Variants in GAS2L3 observed in about 807,000 individuals in gnomAD.
GAS2L3 encodes the protein GAS2-like protein 3.
Under a neutral mutation model 37.0 loss-of-function variants are expected in GAS2L3, and 28 were observed. That is an observed-to-expected ratio of 0.76 (90% CI 0.56 to 1.04). The LOEUF (loss-of-function observed/expected upper bound fraction) is 1.04, where lower values mean the gene tolerates loss of function less well. Ranked by LOEUF, GAS2L3 falls within the 50% of genes least tolerant of loss-of-function variation. The probability of loss-of-function intolerance (pLI) is 0.00; values close to 1 mark genes in which losing one functional copy is unlikely to be tolerated. For missense variants in GAS2L3, 793 were observed against 817.6 expected, an observed-to-expected ratio of 0.97 and a Z score of 0.37; for synonymous variants, 290 against 296.6, an observed-to-expected ratio of 0.98 and a Z score of 0.23.
chr12:100,584,457 T>C (rs1955752736), intron 1 of GAS2L3, among the ~76,000 whole-genome samples: 1 of 152,228 alleles, frequency 6.6e-6, no homozygotes, highest in South Asian at 2.1e-4. Flanking sequence ...TCAGATGATG[T>C]CATTCTTTCC....
intron 1 of GAS2L3, among the ~76,000 whole-genome samples, chr12:100,586,755 CA>C (rs1264821568): frequency 6.6e-6 from 1 of 151,444 alleles, no homozygotes; most frequent in Non-Finnish European, 1.5e-5. Flanking sequence ...GAAATTGAAA[CA>C]AAAAAATACA....
chr12:100,612,856 A>G (rs1419808017), intron 6 of GAS2L3, among the ~76,000 whole-genome samples: 1 of 152,084 alleles, frequency 6.6e-6, no homozygotes, highest in Non-Finnish European at 1.5e-5. Context: ...TTTATCACTG[A>G]CATAGTTTAG....
intron 4 of GAS2L3, among the ~76,000 whole-genome samples, chr12:100,601,031 T>C (rs1035004474): frequency 6.6e-6 from 1 of 152,130 alleles, no homozygotes; most frequent in Non-Finnish European, 1.5e-5. Context: ...TATTTTTTAC[T>C]CTATTAGAGA....
chr12:100,613,489 G>T (rs958682564), intron 6 of GAS2L3, among the ~76,000 whole-genome samples: 9 of 152,076 alleles, frequency 5.9e-5, no homozygotes, highest in Admixed American at 5.9e-4. Flanking sequence ...CTGTTGGTAT[G>T]AATTTTAAAC....
In GAS2L3 at chr12:100,606,166, G is replaced by A. The variant is rs958602027; in HGVS notation, c.303+4413G>A. Among the ~76,000 whole-genome samples the A allele has an allele frequency of 8.6e-5, 13 of 151,894 alleles. No individual in the cohort carries two copies. In the East Asian group the frequency reaches 1.2e-3, roughly 14 times the overall value. On this transcript the variant is annotated intron_variant, in intron 5 of 9. Transcript: ENST00000547754. Reference sequence around the variant, plus strand: ...TAATATTTGCTTTATTTATCTGAGCGCTCTAGCATTGGGTGCATATATATT... The same window carrying A: ...TAATATTTGCTTTATTTATCTGAGCACTCTAGCATTGGGTGCATATATATT...
chr12:100,602,277 T>A (rs1444620446), intron 5 of GAS2L3, among the ~76,000 whole-genome samples: 1 of 152,080 alleles, frequency 6.6e-6, no homozygotes, highest in Admixed American at 6.6e-5. Flanking sequence ...AAATAATACA[T>A]TTTTTAGACA....
chr12:100,578,725 A>T, intron 1 of GAS2L3: 1 of 480,546 alleles, frequency 2.1e-6, no homozygotes, highest in Non-Finnish European at 3.8e-6. Flanking sequence ...CTAAGAACTG[A>T]TGCCTAAACC....
chr12:100,594,960 G>T, intron 3 of GAS2L3, 38 bp downstream of exon 3: 1 of 969,168 alleles, frequency 1.0e-6, no homozygotes, highest in South Asian at 1.8e-5. Context: ...TAAATTATGA[G>T]ATTAATATAA....
chr12:100,608,666 C>T (rs1392979935), intron 5 of GAS2L3, among the ~76,000 whole-genome samples: 2 of 152,132 alleles, frequency 1.3e-5, no homozygotes, highest in African/African-American at 2.4e-5. Context: ...GGACTACAGG[C>T]GCCTGGCACC....
chr12:100,587,121 G>A (rs1213335084), intron 1 of GAS2L3, among the ~76,000 whole-genome samples: 1 of 152,126 alleles, frequency 6.6e-6, no homozygotes. Context: ...GGACAAGATA[G>A]ATTCACAACA....
rs141753367 is a variant in GAS2L3 at position 100,619,956 on chromosome 12, A to G, written c.648+1369A>G. On this transcript the variant is annotated intron_variant, in intron 8 of 9. Coordinates refer to ENST00000547754, the MANE Select transcript of GAS2L3 (RefSeq NM_174942.3). ...GCTATGAAATACCATTTGCCCCACTAGCAAGATTTTTTAAAACTATTAAAC... is the reference window on the plus strand; with the variant it reads ...GCTATGAAATACCATTTGCCCCACTGGCAAGATTTTTTAAAACTATTAAAC... 3.6e-3 allele frequency among the ~76,000 whole-genome samples: 542 copies of G among 152,170 alleles called. 1 individual carries two copies. The highest frequency in any genetic ancestry group is 0.012 in the African/African-American group (502 of 41,578).
At chr12:100,580,939 A>C (rs1448740540) in intron 1 of GAS2L3, among the ~76,000 whole-genome samples, 1 of 152,212 alleles carries the variant, frequency 6.6e-6, no homozygotes, top group African/African-American at 2.4e-5. Flanking sequence ...CCAGGAAAAA[A>C]ATCACCGACA....
chr12:100,621,473 G>A (rs1015891825), intron 8 of GAS2L3, among the ~76,000 whole-genome samples: 6 of 151,828 alleles, frequency 4.0e-5, no homozygotes, highest in Admixed American at 6.6e-5. Flanking sequence ...TTCTTAACTG[G>A]TTGAAGTAGG....
intron 1 of GAS2L3, among the ~76,000 whole-genome samples, chr12:100,584,167 T>G (rs1157546779): frequency 6.6e-6 from 1 of 152,090 alleles, no homozygotes; most frequent in Non-Finnish European, 1.5e-5. Flanking sequence ...AAGCAGTGTA[T>G]AGGAATAGCT....
intron 5 of GAS2L3, among the ~76,000 whole-genome samples, chr12:100,610,539 T>A (rs1956114360): frequency 1.3e-5 from 2 of 151,812 alleles, no homozygotes; most frequent in African/African-American, 4.8e-5. Context: ...TTGCAATGAT[T>A]GTCTATTCTG....
chr12:100,605,538 T>C (rs1956045757), intron 5 of GAS2L3, among the ~76,000 whole-genome samples: 1 of 151,916 alleles, frequency 6.6e-6, no homozygotes, highest in African/African-American at 2.4e-5. Context: ...TAATTTCGAG[T>C]TGATTTGCAC....
chr12:100,600,434 G>T lies in GAS2L3; in HGVS notation c.71G>T (p.Arg24Ile). The T allele has an allele frequency of 1.2e-6, 2 of 1,612,536 alleles. 1 individual carries two copies. Residue 24 changes from arginine to isoleucine, a missense_variant, in exon 4 of 10, where the codon AGA becomes ATA. By Grantham distance (97) the Arg-to-Ile change is moderately conservative. Coordinates refer to ENST00000547754, the MANE Select transcript of GAS2L3 (RefSeq NM_174942.3). ...PLSPRSPLTP[R>I]HGPGLANVCQ... ...AGTCCTCGGAGTCCTCTGACTCCCA[G>T]ACACGGACCAGGATTGGCTAATGTT... is the stretch of plus-strand genomic sequence containing the variant.
Position 100,624,561 on chromosome 12 carries a change from G to C in GAS2L3, c.1756G>C (p.Ala586Pro). Residue 586 changes from alanine (A) to proline (P), a missense_variant, in exon 10 of 10, where the codon GCT becomes CCT. Ala to Pro is a conservative substitution (Grantham distance 27, BLOSUM62 -1). Coordinates refer to ENST00000547754, the MANE Select transcript of GAS2L3 (RefSeq NM_174942.3). Reference protein sequence around the residue: ...QKSKDKNIVSATKKQPQNKSA... With the variant: ...QKSKDKNIVSPTKKQPQNKSA... ...ATCAAAAGATAAGAATATAGTTTCA[G>C]CTACCAAAAAGCAGCCTCAGAATAA... 1 of 1,613,982 alleles carries C rather than the reference G, an allele frequency of 6.2e-7. No individual in the cohort carries two copies. The highest frequency in any genetic ancestry group is 8.5e-7 in the Non-Finnish European group (1 of 1,180,000).
rs183408160 is a variant in GAS2L3 at position 100,626,671 on chromosome 12, T to C, written c.*1781T>C. On this transcript the variant is annotated 3_prime_UTR_variant, in exon 10 of 10. Transcript: ENST00000547754. ...AGAAAGCAAAAAGTAAATGGAATTGTAGGCAATTTATGAATCCTAGTAGAT... is the reference window on the plus strand; with the variant it reads ...AGAAAGCAAAAAGTAAATGGAATTGCAGGCAATTTATGAATCCTAGTAGAT... 1 of 152,328 alleles carries C rather than the reference T, an allele frequency of 6.6e-6. No homozygotes were observed. The highest frequency in any genetic ancestry group is 6.5e-5 in the Admixed American group (1 of 15,300). The allele number at this position is 152,328 out of a possible 1,614,324, so 9.4% of individuals were successfully genotyped here.
Sources: gnomAD v4.1 joint callset for allele counts (sites outside exome capture counted in the v4.1 genomes callset) on GRCh38, gnomAD v4.1.1 for gene constraint, MANE v1.5 for transcripts, NCBI Gene and HGNC (gene_info 2026-07-23, HGNC 2026-07-21) for gene names.